Variants in STK3 observed in about 807,000 individuals in gnomAD.
STK3 encodes the protein serine/threonine kinase 3, also known as serine/threonine-protein kinase 3.
Under a neutral mutation model 58.0 loss-of-function variants are expected in STK3, and 41 were observed. That is an observed-to-expected ratio of 0.71 (90% CI 0.55 to 0.92). STK3 has a LOEUF of 0.92. Ranked by LOEUF, STK3 falls within the 40% of genes least tolerant of loss-of-function variation. STK3 has a pLI of 0.00. For synonymous variants in STK3, 170 were observed against 191.0 expected, an observed-to-expected ratio of 0.89 and a Z score of 0.91; for missense variants, 479 against 602.7, an observed-to-expected ratio of 0.79 and a Z score of 2.15.
chr8:98,416,973 T>C (rs969688207), intron 3 of STK3, among the ~76,000 whole-genome samples: 4 of 152,204 alleles, frequency 2.6e-5, no homozygotes, highest in African/African-American at 4.8e-5. Flanking sequence ...ACCAGCCAGA[T>C]GGCAGAATCC....
chr8:98,693,189 G>T (rs1443391441), intron 6 of STK3, among the ~76,000 whole-genome samples: 1 of 152,102 alleles, frequency 6.6e-6, no homozygotes, highest in Non-Finnish European at 1.5e-5. Flanking sequence ...TTAAGCTCAG[G>T]AGTTCGAGAC....
chr8:98,539,813 G>T (rs927744570), intron 9 of STK3, among the ~76,000 whole-genome samples: 4 of 152,030 alleles, frequency 2.6e-5, no homozygotes, highest in African/African-American at 9.6e-5. Context: ...GAGTGCTGTT[G>T]CGGGATCTCA....
chr8:98,809,509 C>T (rs1834089155), intron 1 of STK3, among the ~76,000 whole-genome samples: 1 of 152,182 alleles, frequency 6.6e-6, no homozygotes, highest in South Asian at 2.1e-4. Flanking sequence ...TTCCATTTTC[C>T]ACTTCCCCAT....
At chr8:98,765,528 T>C (rs1319500440) in intron 3 of STK3, among the ~76,000 whole-genome samples, 1 of 152,180 alleles carries the variant, frequency 6.6e-6, no homozygotes, top group Admixed American at 6.5e-5. Context: ...CAGACTACCC[T>C]GTGTCACCAG....
chr8:98,894,413 T>C (rs371342591), intron 1 of STK3, among the ~76,000 whole-genome samples: 1 of 152,236 alleles, frequency 6.6e-6, no homozygotes, highest in East Asian at 1.9e-4. Context: ...CCTAGTCACA[T>C]GTCAGAAAAC....
chr8:98,933,644 C>T (rs1181500944), intron 1 of STK3, among the ~76,000 whole-genome samples: 2 of 152,148 alleles, frequency 1.3e-5, no homozygotes, highest in African/African-American at 4.8e-5. Context: ...TTCAGTGTCA[C>T]TCCAGATGTT....
chr8:98,533,830 T>C lies in STK3; in HGVS notation c.1142-6913A>G, dbSNP rs145269324. 5.4e-3 allele frequency among the ~76,000 whole-genome samples: 827 copies of C among 152,310 alleles called. 9 individuals carry two copies. Among genetic ancestry groups the C allele is most frequent in the African/African-American group, 0.019 (797 of 41,576 alleles). ...AATGTGTTTCCATCTTTACTTTTCA[T>C]TAAACCGTAAGTTCCCTAATGTAGA... is the stretch of plus-strand genomic sequence containing the variant. On this transcript the variant is annotated intron_variant, in intron 9 of 10. Transcript: ENST00000419617.
In STK3 at chr8:98,871,324, C is replaced by T. The variant is rs1042324443; in HGVS notation, c.110+12323G>A. 7.9e-5 allele frequency among the ~76,000 whole-genome samples: 12 copies of T among 151,646 alleles called. No homozygotes were observed. The East Asian group carries it at 9.6e-4, about 12-fold the overall frequency. ...TTTGCTTAGGATTGTCTTGGCAATG[C>T]GGGCTCTTTTTGGTTCCATATGAAC... is the stretch of plus-strand genomic sequence containing the variant. On this transcript the variant is annotated intron_variant, in intron 3 of 12. Coordinates refer to the STK3 transcript ENST00000523601.
upstream of STK3, among the ~76,000 whole-genome samples, chr8:98,828,443 A>C (rs1835399945): frequency 6.9e-6 from 1 of 144,712 alleles, no homozygotes; most frequent in African/African-American, 2.6e-5. Context: ...TCTACAAAAA[A>C]AAAAAAAAAA....
chr8:98,399,628 G>A (rs536322270), downstream of STK3, among the ~76,000 whole-genome samples: 2 of 152,350 alleles, frequency 1.3e-5, no homozygotes, highest in East Asian at 3.9e-4. Flanking sequence ...TGCAAAATAA[G>A]AGGTAAAATT....
chr8:98,740,744 A>G (rs1487923488), intron 4 of STK3, among the ~76,000 whole-genome samples: 2 of 152,326 alleles, frequency 1.3e-5, no homozygotes, highest in Admixed American at 6.5e-5. Context: ...ACATATAACA[A>G]TATTAACTTT....
chr8:98,548,121 C>A lies in STK3; in HGVS notation c.989G>T (p.Ser330Ile). 6.3e-7 allele frequency: 1 copy of A among 1,592,702 alleles called. No individual in the cohort carries two copies. Among genetic ancestry groups the A allele is most frequent in the Non-Finnish European group, 8.5e-7 (1 of 1,170,544 alleles). Residue 330 changes from serine to isoleucine, a missense_variant, in exon 9 of 11, where the codon AGT (serine) becomes ATT (isoleucine). By Grantham distance (142) the Ser-to-Ile change is moderately radical. Transcript: ENST00000419617. ...CCGCATGGTGCCCACACTCTCCACACTAGTCTTCACCATGGTGTGGGAATC... is the reference window on the plus strand; with the variant it reads ...CCGCATGGTGCCCACACTCTCCACAATAGTCTTCACCATGGTGTGGGAATC... ...ELDSHTMVKTSVESVGTMRAT... is the reference protein window; with the variant it reads ...ELDSHTMVKTIVESVGTMRAT...
intron 4 of STK3, among the ~76,000 whole-genome samples, chr8:98,724,400 T>C (rs557320723): frequency 1.3e-5 from 2 of 152,356 alleles, no homozygotes; most frequent in African/African-American, 4.8e-5. Flanking sequence ...ACATAAGGCA[T>C]GTGCAAAGGC....
intron 6 of STK3, among the ~76,000 whole-genome samples, chr8:98,663,089 G>A (rs748700130): frequency 2.0e-5 from 3 of 152,168 alleles, no homozygotes; most frequent in Non-Finnish European, 2.9e-5. Flanking sequence ...AGAGTGAAGA[G>A]GCAACCTACA....
intron 7 of STK3, among the ~76,000 whole-genome samples, chr8:98,580,164 G>T (rs1215932274): frequency 6.6e-6 from 1 of 152,178 alleles, no homozygotes; most frequent in Non-Finnish European, 1.5e-5. Flanking sequence ...ACTGAGTTAC[G>T]TAATTTAATT....
chr8:98,359,741 A>T, the STK3 span, among the ~76,000 whole-genome samples: 2 of 151,976 alleles, frequency 1.3e-5, no homozygotes, highest in Non-Finnish European at 2.9e-5. Flanking sequence ...TGGCTCGCAT[A>T]CCCCAAATCT....
At chr8:98,789,326 T>C (rs1179823387) in intron 1 of STK3, among the ~76,000 whole-genome samples, 3 of 151,836 alleles carry the variant, frequency 2.0e-5, no homozygotes, top group East Asian at 1.9e-4. Flanking sequence ...GCACAGACAA[T>C]CTAAGGCCAC....
At chr8:98,514,412 T>C (rs1824765573) in intron 10 of STK3, among the ~76,000 whole-genome samples, 1 of 152,090 alleles carries the variant, frequency 6.6e-6, no homozygotes. Context: ...TTGTAACTGT[T>C]TAAAAGTTAT....
intron 1 of STK3, among the ~76,000 whole-genome samples, chr8:98,914,185 C>T (rs1260957230): frequency 6.6e-6 from 1 of 152,086 alleles, no homozygotes; most frequent in African/African-American, 2.4e-5. Flanking sequence ...GGTGCGGTGG[C>T]TCACACCTGT....
Sources: allele counts gnomAD v4.1 joint callset (sites outside exome capture counted in the v4.1 genomes callset), GRCh38; gene constraint gnomAD v4.1.1; transcripts MANE v1.5; gene names NCBI Gene and HGNC (gene_info 2026-07-23, HGNC 2026-07-21).